The following XYLT1 variants were observed in gnomAD, a reference collection of about 807,000 sequenced individuals.
XYLT1 encodes beta-D-xylosyltransferase 1.
Under a neutral mutation model 91.3 loss-of-function variants are expected in XYLT1, and 36 were observed. The ratio of observed to expected loss-of-function variants is 0.39; its 90% CI spans 0.30 to 0.52. The LOEUF is 0.52. Ranked by LOEUF, XYLT1 falls within the 20% of genes least tolerant of loss-of-function variation. The pLI is 0.68. For synonymous variants in XYLT1, 588 were observed against 532.0 expected, an observed-to-expected ratio of 1.11 and a Z score of -1.45; for missense variants, 1,242 against 1,284.5, an observed-to-expected ratio of 0.97 and a Z score of 0.51.
chr16:17,247,531 A>C (rs369239231), intron 3 of XYLT1, among the ~76,000 whole-genome samples: 8 of 152,190 alleles, frequency 5.3e-5, no homozygotes, highest in African/African-American at 1.7e-4. Context: ...CGATGGATTA[A>C]TGAAAGTACA....
At chr16:17,174,492 T>C (rs189643406) in intron 5 of XYLT1, among the ~76,000 whole-genome samples, 25 of 152,270 alleles carry the variant, frequency 1.6e-4, no homozygotes, top group Non-Finnish European at 3.1e-4. Flanking sequence ...CTTGAAAACA[T>C]AATGCTAAGT....
Position 17,259,262 on chromosome 16 carries a change from G to A in XYLT1, c.639C>T (p.Pro213=), listed in dbSNP as rs755519043. The change falls in exon 3 of 12, where the codon CCC becomes CCT. Residue 213 remains proline, a synonymous_variant. Coordinates refer to ENST00000261381, the MANE Select transcript of XYLT1 (RefSeq NM_022166.4). ...TGTCCCCGGGAGGCAGCACCTCACC[G>A]GGGCCTTTCCCAGGGAATGTATGTC... ...GKGHTFPGKG[P]GEVLPPGDRA... 1.1e-5 allele frequency: 18 copies of A among 1,614,078 alleles called. No individual in the cohort carries two copies. The highest frequency in any genetic ancestry group is 1.6e-4 in the Middle Eastern group (1 of 6,062).
chr16:17,255,815 G>C (rs375913982), intron 3 of XYLT1, among the ~76,000 whole-genome samples: 2 of 152,032 alleles, frequency 1.3e-5, no homozygotes, highest in East Asian at 3.9e-4. Flanking sequence ...TGAGACCAAC[G>C]GGGCCAACAT....
At chr16:17,422,405 C>T (rs762037083) in intron 1 of XYLT1, among the ~76,000 whole-genome samples, 15 of 152,080 alleles carry the variant, frequency 9.9e-5, no homozygotes, top group Non-Finnish European at 1.9e-4. Context: ...TACTATGTTG[C>T]CCAAGCTGGT....
intron 5 of XYLT1, among the ~76,000 whole-genome samples, chr16:17,165,705 A>C (rs1379549544): frequency 6.6e-6 from 1 of 152,126 alleles, no homozygotes; most frequent in African/African-American, 2.4e-5. Context: ...AAAACAAACA[A>C]ACAAAAAGAA....
At chr16:17,241,929 A>C (rs376012359) in intron 3 of XYLT1, among the ~76,000 whole-genome samples, 5 of 152,322 alleles carry the variant, frequency 3.3e-5, no homozygotes, top group African/African-American at 1.2e-4. Context: ...TCACAGTTCC[A>C]TGTGGCGGGG....
At chr16:17,412,919 C>A (rs1732695117) in intron 1 of XYLT1, among the ~76,000 whole-genome samples, 1 of 152,214 alleles carries the variant, frequency 6.6e-6, no homozygotes, top group Non-Finnish European at 1.5e-5. Flanking sequence ...CAGTCCAGCC[C>A]ATGTTCACAA....
intron 11 of XYLT1, among the ~76,000 whole-genome samples, chr16:17,115,405 G>A (rs1034424886): frequency 1.0e-4 from 15 of 149,536 alleles, no homozygotes; most frequent in African/African-American, 3.7e-4. Flanking sequence ...AATTACTTGA[G>A]CCCAGGAGCT....
chr16:17,201,475 CTTT>C (rs552724633), intron 3 of XYLT1, among the ~76,000 whole-genome samples: 9 of 140,634 alleles, frequency 6.4e-5, no homozygotes, highest in African/African-American at 2.6e-5. Flanking sequence ...GAGAGGTTAT[CTTT>C]TTTTTTTTTT....
At position 17,108,392 on chromosome 16, in the gene XYLT1, T is replaced by TGGGGTCAGG. The variant is rs1363513195; in HGVS notation, c.*294_*302dup. The TGGGGTCAGG allele has an allele frequency of 1.2e-5, 4 of 335,120 alleles. No homozygotes were observed. Among genetic ancestry groups the TGGGGTCAGG allele is most frequent in the African/African-American group, 6.3e-5 (3 of 47,536 alleles). The allele number at this position is 335,120 out of a possible 1,614,324, so 20.8% of individuals were successfully genotyped here. ...AAGAAAAGTCTGAAAATCACACGTC[T>TGGGGTCAGG]GGGGTCAGGGGTGGGTCACTGGAAG... On this transcript the variant is annotated 3_prime_UTR_variant, in exon 12 of 12. Transcript: ENST00000261381.
rs867073714 is a variant in XYLT1 at position 17,451,256 on chromosome 16, C to T, written c.363+19178G>A. ...AACAGTTGATGGTGGCCTGGAAGCC[C>T]CTGCAGGCTCTTGTTCCTGTCCTTC... On this transcript the variant is annotated intron_variant, in intron 1 of 11. Coordinates refer to ENST00000261381, the MANE Select transcript of XYLT1 (RefSeq NM_022166.4). Among the ~76,000 whole-genome samples, 4 of 152,276 alleles carry T rather than the reference C, an allele frequency of 2.6e-5. No individual in the cohort carries two copies. The South Asian group carries it at 8.3e-4, about 32-fold the overall frequency.
Position 17,284,596 on chromosome 16 carries a change from G to T in XYLT1, c.403-25098C>A, listed in dbSNP as rs1563653. Reference sequence around the variant, plus strand: ...TTCTCCAAACACATACCGGGCAAAAGGTACCAGGCAGCAGGAATGGTAAAA... The same window carrying T: ...TTCTCCAAACACATACCGGGCAAAATGTACCAGGCAGCAGGAATGGTAAAA... On this transcript the variant is annotated intron_variant, in intron 2 of 11. Coordinates refer to ENST00000261381, the MANE Select transcript of XYLT1 (RefSeq NM_022166.4). 2.0e-3 allele frequency among the ~76,000 whole-genome samples: 302 copies of T among 152,288 alleles called. 2 individuals are homozygous for T. The highest frequency in any genetic ancestry group is 6.8e-3 in the African/African-American group (281 of 41,560).
intron 1 of XYLT1, among the ~76,000 whole-genome samples, chr16:17,448,736 G>A (rs55810364): frequency 6.6e-6 from 1 of 150,720 alleles, no homozygotes; most frequent in African/African-American, 2.5e-5. Flanking sequence ...AAGGGGAGGA[G>A]GGTGGAGGAG....
At chr16:17,161,346 G>A (rs2031545603) in intron 5 of XYLT1, among the ~76,000 whole-genome samples, 1 of 152,182 alleles carries the variant, frequency 6.6e-6, no homozygotes. Flanking sequence ...AGAGCTTTTG[G>A]GCAAAGCCGC....
At position 17,106,460 on chromosome 16, in the gene XYLT1, G is replaced by A. The variant is rs190475169; in HGVS notation, c.*2235C>T. ...AAAGTACCCTGAGATCCCTGGAATC[G>A]CTGTTGAGAATGGCTATCTCCCGGA... On this transcript the variant is annotated 3_prime_UTR_variant, in exon 12 of 12. Coordinates refer to ENST00000261381, the MANE Select transcript of XYLT1 (RefSeq NM_022166.4). 6.3e-3 allele frequency: 953 copies of A among 152,310 alleles called. 8 individuals are homozygous for A. The highest frequency in any genetic ancestry group is 0.023 in the South Asian group (109 of 4,830). The allele number at this position is 152,310 out of a possible 1,614,324, so 9.4% of individuals were successfully genotyped here. A position where few individuals can be genotyped will look rare whatever the true frequency, so the allele number is the denominator to read the frequency against.
At chr16:17,289,809 C>T (rs1567358506) in intron 2 of XYLT1, among the ~76,000 whole-genome samples, 1 of 152,140 alleles carries the variant, frequency 6.6e-6, no homozygotes, top group Non-Finnish European at 1.5e-5. Flanking sequence ...AAACCCCAAA[C>T]CCAGAGTGAT....
At chr16:17,294,219 G>A (rs1303180568) in intron 2 of XYLT1, among the ~76,000 whole-genome samples, 1 of 152,118 alleles carries the variant, frequency 6.6e-6, no homozygotes, top group Non-Finnish European at 1.5e-5. Flanking sequence ...AGTGGGGAAG[G>A]GAAAGGGAGG....
chr16:17,190,590 C>T (rs542413923), intron 5 of XYLT1, among the ~76,000 whole-genome samples: 5 of 152,188 alleles, frequency 3.3e-5, no homozygotes, highest in East Asian at 1.9e-4. Context: ...TGATGGTTTC[C>T]ACCTTCATCC....
intron 3 of XYLT1, among the ~76,000 whole-genome samples, chr16:17,241,481 C>G (rs1387844934): frequency 6.6e-6 from 1 of 152,218 alleles, no homozygotes; most frequent in Non-Finnish European, 1.5e-5. Context: ...TCCAGGTCAC[C>G]TTGCCAGGGC....
Sources: allele counts gnomAD v4.1 joint callset (sites outside exome capture counted in the v4.1 genomes callset), GRCh38; gene constraint gnomAD v4.1.1; transcripts MANE v1.5; gene names NCBI Gene and HGNC (gene_info 2026-07-23, HGNC 2026-07-21).